The following HELZ variants were observed in gnomAD, a reference collection of about 807,000 sequenced individuals.
HELZ encodes the protein helicase with zinc finger.
In HELZ, 23 loss-of-function variants were observed where a neutral mutation model predicts 218.2. That is an observed-to-expected ratio of 0.11 (90% CI 0.08 to 0.15). The LOEUF (loss-of-function observed/expected upper bound fraction) is 0.15. Ranked by LOEUF, HELZ falls within the 10% of genes least tolerant of loss-of-function variation. The pLI is 1.00. For synonymous variants in HELZ, 814 were observed against 829.4 expected, an observed-to-expected ratio of 0.98 and a Z score of 0.32; for missense variants, 1,813 against 2,353.7, an observed-to-expected ratio of 0.77 and a Z score of 4.75.
At position 67,167,516 on chromosome 17, in the gene HELZ, G is replaced by C; in HGVS notation, c.1711C>G (p.Leu571Val). 6.2e-7 allele frequency: 1 copy of C among 1,613,764 alleles called. No individual in the cohort carries two copies. Among genetic ancestry groups the C allele is most frequent in the South Asian group, 1.1e-5 (1 of 91,056 alleles). ...EKTKEYIFLR[L>V]SRECCEELNL... Reference sequence around the variant, plus strand: ...AGTTCTTCACAGCATTCCCTAGATAGCCTTAAAAATATATATTCCTTTGTT... The same window carrying C: ...AGTTCTTCACAGCATTCCCTAGATACCCTTAAAAATATATATTCCTTTGTT... The change falls in exon 14 of 33, where the codon CTA becomes GTA. Residue 571 changes from leucine to valine, a missense_variant. Transcript: ENST00000358691.
At chr17:67,156,141 CA>C (rs1326063708) in intron 17 of HELZ, among the ~76,000 whole-genome samples, 7 of 150,922 alleles carry the variant, frequency 4.6e-5, no homozygotes, top group Admixed American at 4.0e-4. Context: ...AAAAACAAAA[CA>C]TTTTTTGCTA....
At chr17:67,082,398 G>C (rs778460202) in intron 32 of HELZ, among the ~76,000 whole-genome samples, 10 of 152,198 alleles carry the variant, frequency 6.6e-5, no homozygotes, top group Non-Finnish European at 1.2e-4. Context: ...CCTGATGGAA[G>C]CTACTTCACA....
At chr17:67,120,090 G>A (rs535282041) in intron 27 of HELZ, 8 of 341,904 alleles carry the variant, frequency 2.3e-5, no homozygotes, top group South Asian at 9.2e-5. Context: ...TGCAAACTCC[G>A]CCTCCCAGGT....
Position 67,186,305 on chromosome 17 carries a change from G to A in HELZ, c.1162+2014C>T, listed in dbSNP as rs998936558. On this transcript the variant is annotated intron_variant, in intron 12 of 32. Coordinates refer to ENST00000358691, the MANE Select transcript of HELZ (RefSeq NM_014877.4). ...GAGCCTGATGTCGTACGAGGCTTCA[G>A]GTTGTCACAATGATCTATGACAGGT... 2.0e-5 allele frequency among the ~76,000 whole-genome samples: 3 copies of A among 152,108 alleles called. No individual in the cohort carries two copies. In the East Asian group the frequency reaches 5.8e-4, roughly 29 times the overall value.
chr17:67,227,030 G>C (rs914671819), intron 3 of HELZ, among the ~76,000 whole-genome samples: 1 of 152,086 alleles, frequency 6.6e-6, no homozygotes, highest in African/African-American at 2.4e-5. Flanking sequence ...GGAGTTTTTA[G>C]GGTGATGACA....
chr17:67,157,254 AC>A (rs1320640806), intron 17 of HELZ, among the ~76,000 whole-genome samples: 1 of 152,180 alleles, frequency 6.6e-6, no homozygotes, highest in Admixed American at 6.5e-5. Flanking sequence ...ACGGCCTAAT[AC>A]ACTCATCAAC....
chr17:67,108,560 C>T lies in HELZ; in HGVS notation c.4656G>A (p.Gln1552=). 6.2e-7 allele frequency: 1 copy of T among 1,614,044 alleles called. No individual in the cohort carries two copies. Among genetic ancestry groups the T allele is most frequent in the South Asian group, 1.1e-5 (1 of 91,078 alleles). Residue 1552 remains glutamine (Q), a synonymous_variant, in exon 30 of 33, where the codon CAG becomes CAA. Transcript: ENST00000358691. This position sits in a 1 kb window ranked among gnomAD's most constrained non-coding sequence, Gnocchi z 4.1. ...GCTTCCAGTCTGCCCTCACTGGCGG[C>T]TGATGTAATCCCAGGGGCGGCTGAG... ...HLPQPPLGLH[Q]PPVRADWKLT...
chr17:67,243,970 T>C, intron 1 of HELZ, 131 bp from the exon 2 acceptor site: 1 of 985,278 alleles, frequency 1.0e-6, no homozygotes. Flanking sequence ...TGGTACAGTG[T>C]GCAGCTTTGC....
intron 13 of HELZ, 91 bp from the exon 14 acceptor site, chr17:67,167,887 A>G (rs2039193751): frequency 2.3e-6 from 2 of 853,680 alleles, no homozygotes; most frequent in Admixed American, 5.3e-5. Context: ...AAATATAAAC[A>G]TACCAAAAAT....
chr17:67,231,770 A>G (rs892601065), intron 3 of HELZ, among the ~76,000 whole-genome samples: 5 of 151,024 alleles, frequency 3.3e-5, no homozygotes, highest in African/African-American at 1.2e-4. Flanking sequence ...AGTTTATTAC[A>G]GGCCAGGTGC....
intron 17 of HELZ, among the ~76,000 whole-genome samples, chr17:67,157,782 T>G (rs1041451808): frequency 6.6e-6 from 1 of 152,110 alleles, no homozygotes; most frequent in African/African-American, 2.4e-5. Flanking sequence ...AGACTATGAA[T>G]AAGAATGACC....
chr17:67,223,764 A>T (rs1343824633), intron 3 of HELZ, among the ~76,000 whole-genome samples: 1 of 152,160 alleles, frequency 6.6e-6, no homozygotes, highest in Non-Finnish European at 1.5e-5. Flanking sequence ...AGAAAAAAAA[A>T]ATATCCAAAC....
At chr17:67,160,163 A>C in intron 17 of HELZ, 98 bp downstream of exon 17, 1 of 724,408 alleles carries the variant, frequency 1.4e-6, no homozygotes, top group Non-Finnish European at 2.4e-6. Flanking sequence ...ATGCATAAAG[A>C]CTTTGGTATT....
At chr17:67,111,595 C>T (rs913177095) in intron 28 of HELZ, among the ~76,000 whole-genome samples, 1 of 152,192 alleles carries the variant, frequency 6.6e-6, no homozygotes, top group African/African-American at 2.4e-5. Context: ...GGTTGTGATG[C>T]AAATTGTGTG....
chr17:67,090,549 A>G (rs1312583337), intron 31 of HELZ, among the ~76,000 whole-genome samples: 1 of 152,158 alleles, frequency 6.6e-6, no homozygotes. Flanking sequence ...GGAAGGTTTT[A>G]ATTACAAATT....
At chr17:67,221,186 T>C (rs538335912) in intron 3 of HELZ, among the ~76,000 whole-genome samples, 1 of 152,362 alleles carries the variant, frequency 6.6e-6, no homozygotes, top group South Asian at 2.1e-4. Flanking sequence ...AATTTTTTGC[T>C]GTGGGCCATT....
chr17:67,092,374 C>T (rs751272092), intron 31 of HELZ, among the ~76,000 whole-genome samples: 6 of 151,964 alleles, frequency 3.9e-5, no homozygotes, highest in Non-Finnish European at 7.4e-5. Flanking sequence ...AGCAGAATTC[C>T]ACAGAGGCTT....
At chr17:67,245,629 G>A, upstream of HELZ, 1 of 657,062 alleles carries the variant, frequency 1.5e-6, no homozygotes, top group Non-Finnish European at 1.9e-6. Flanking sequence ...GCCCGCGAGC[G>A]GCCGGGGTCG....
intron 32 of HELZ, among the ~76,000 whole-genome samples, chr17:67,086,613 TAA>T (rs1206382088): frequency 2.2e-5 from 2 of 89,170 alleles, no homozygotes; most frequent in South Asian, 3.6e-4. Flanking sequence ...TATATATATA[TAA>T]ATAAATATAA....
Sources: gnomAD v4.1 joint callset for allele counts (sites outside exome capture counted in the v4.1 genomes callset) on GRCh38, gnomAD v4.1.1 for gene constraint, Gnocchi (gnomAD v3.1) non-coding constraint, MANE v1.5 for transcripts, NCBI Gene and HGNC (gene_info 2026-07-23, HGNC 2026-07-21) for gene names.